Variants in RBFOX1 observed in about 807,000 individuals in gnomAD.
RBFOX1 encodes the protein RNA binding protein fox-1 homolog 1.
Under a neutral mutation model 57.7 loss-of-function variants are expected in RBFOX1, and 8 were observed. The observed-to-expected ratio is 0.14, with a 90% CI of 0.08 to 0.25. The LOEUF (loss-of-function observed/expected upper bound fraction) is 0.25, where lower values mean the gene tolerates loss of function less well. Ranked by LOEUF, RBFOX1 falls within the 10% of genes least tolerant of loss-of-function variation. The probability of loss-of-function intolerance (pLI) is 1.00; values close to 1 mark genes in which losing one functional copy is unlikely to be tolerated. For missense variants in RBFOX1, 611 were observed against 548.5 expected (o/e 1.11, Z -1.14); for synonymous variants, 326 against 222.4 (o/e 1.47, Z -4.15).
chr16:5,923,818 G>A (rs1362721934), intron 4 of RBFOX1, among the ~76,000 whole-genome samples: 1 of 151,932 alleles, frequency 6.6e-6, no homozygotes, highest in Non-Finnish European at 1.5e-5. Flanking sequence ...TGGGATTACA[G>A]GTGTGAGCCA....
chr16:6,319,225 A>G (rs2081471789), intron 2 of RBFOX1, among the ~76,000 whole-genome samples: 1 of 152,160 alleles, frequency 6.6e-6, no homozygotes, highest in Non-Finnish European at 1.5e-5. Context: ...GCCATATTTT[A>G]GTCTGAATCC....
intron 3 of RBFOX1, among the ~76,000 whole-genome samples, chr16:6,937,536 C>A (rs2077584489): frequency 6.6e-6 from 1 of 152,090 alleles, no homozygotes; most frequent in South Asian, 2.1e-4. Context: ...AGAACACACA[C>A]CCATAGTGGT....
chr16:6,111,980 C>G (rs74004751), intron 1 of RBFOX1, among the ~76,000 whole-genome samples: 3 of 151,980 alleles, frequency 2.0e-5, no homozygotes, highest in Non-Finnish European at 2.9e-5. Flanking sequence ...TAAAGGATCG[C>G]TAAAACTTAA....
intron 4 of RBFOX1, among the ~76,000 whole-genome samples, chr16:5,899,535 A>T (rs1489171222): frequency 1.3e-5 from 2 of 152,182 alleles, no homozygotes; most frequent in Non-Finnish European, 2.9e-5. Flanking sequence ...CTCTGTGTGA[A>T]TTCCACGGGT....
chr16:6,374,979 T>C (rs1444601787), intron 2 of RBFOX1, among the ~76,000 whole-genome samples: 1 of 152,230 alleles, frequency 6.6e-6, no homozygotes, highest in Non-Finnish European at 1.5e-5. Flanking sequence ...GAAAACAGTC[T>C]GCAGAACAAA....
intron 1 of RBFOX1, among the ~76,000 whole-genome samples, chr16:6,151,481 T>TC: frequency 6.6e-6 from 1 of 152,272 alleles, no homozygotes; most frequent in East Asian, 1.9e-4. Context: ...AGATGGGGTT[T>TC]CACCATGTTG....
At chr16:5,432,592 CCT>C (rs200106656) in intron 1 of RBFOX1, among the ~76,000 whole-genome samples, 1,331 of 50,792 alleles carry the variant, frequency 0.026, 16 homozygotes, top group African/African-American at 0.083. Context: ...CACTCTTTTT[CCT>C]CTCTAGCAAA....
chr16:6,950,300 C>G (rs1460633761), intron 3 of RBFOX1, among the ~76,000 whole-genome samples: 2 of 151,930 alleles, frequency 1.3e-5, no homozygotes, highest in African/African-American at 2.4e-5. Context: ...CCCTCTGCAT[C>G]TCACAGCCTC....
In RBFOX1 at chr16:7,669,198, C is replaced by T. The variant is rs549612606; in HGVS notation, c.930+4230C>T. ...GGATTACAGGTGTGACCCACCATGA[C>T]TGACCCCTGAAGCTATAGGTTTTAT... is the stretch of plus-strand genomic sequence containing the variant. On this transcript the variant is annotated intron_variant, in intron 13 of 15. Transcript: ENST00000550418. Among the ~76,000 whole-genome samples the T allele has an allele frequency of 1.3e-3, 197 of 152,324 alleles. 5 individuals are homozygous for T. In the South Asian group the frequency reaches 0.04, roughly 31 times the overall value.
At chr16:7,611,232 G>A (rs1488223313) in intron 10 of RBFOX1, among the ~76,000 whole-genome samples, 1 of 152,124 alleles carries the variant, frequency 6.6e-6, no homozygotes, top group Non-Finnish European at 1.5e-5. Context: ...TCTCCTAAAG[G>A]TAATTTTCTT....
chr16:5,690,586 C>T (rs1445101940), intron 3 of RBFOX1, among the ~76,000 whole-genome samples: 3 of 152,078 alleles, frequency 2.0e-5, no homozygotes, highest in Admixed American at 2.0e-4. Flanking sequence ...ACAAACCTTT[C>T]CCATCAGATT....
chr16:6,764,376 C>T (rs142982203), intron 3 of RBFOX1, among the ~76,000 whole-genome samples: 4 of 152,268 alleles, frequency 2.6e-5, no homozygotes, highest in African/African-American at 9.6e-5. Flanking sequence ...TTATGGTAGT[C>T]GGGCCAAGCA....
intron 3 of RBFOX1, among the ~76,000 whole-genome samples, chr16:6,995,897 C>G (rs1197559087): frequency 6.6e-6 from 1 of 152,164 alleles, no homozygotes; most frequent in Non-Finnish European, 1.5e-5. Flanking sequence ...ATGTTTGAAC[C>G]ATAAATTTAT....
At chr16:6,146,819 T>G (rs2096761918) in intron 1 of RBFOX1, among the ~76,000 whole-genome samples, 1 of 152,152 alleles carries the variant, frequency 6.6e-6, no homozygotes, top group South Asian at 2.1e-4. Flanking sequence ...TTTTGAGCTT[T>G]AAGTGGCGAT....
intron 3 of RBFOX1, among the ~76,000 whole-genome samples, chr16:6,954,631 G>C (rs2081393295): frequency 6.6e-6 from 1 of 152,016 alleles, no homozygotes; most frequent in Non-Finnish European, 1.5e-5. Context: ...GGCAAAAAGA[G>C]GCATGATTTT....
intron 3 of RBFOX1, among the ~76,000 whole-genome samples, chr16:5,729,005 A>C (rs1772303470): frequency 6.6e-6 from 1 of 152,210 alleles, no homozygotes; most frequent in Non-Finnish European, 1.5e-5. Flanking sequence ...GTCTCCGCTG[A>C]CAGGTGAGAG....
Position 7,044,839 on chromosome 16 carries a change from G to C in RBFOX1, c.-15-7218G>C, listed in dbSNP as rs551354222. ...TCACAGACTGTAGGGAGTTACAGGT[G>C]CCTTTTTTTCCACCTCCCCTCTCCC... is the stretch of plus-strand genomic sequence containing the variant. On this transcript the variant is annotated intron_variant, in intron 3 of 15. Transcript: ENST00000550418. Among the ~76,000 whole-genome samples the C allele has an allele frequency of 3.9e-5, 6 of 152,238 alleles. No individual in the cohort carries two copies. The East Asian group carries it at 1.2e-3, about 29-fold the overall frequency.
At chr16:7,411,726 A>G (rs2098427022) in intron 4 of RBFOX1, among the ~76,000 whole-genome samples, 1 of 152,070 alleles carries the variant, frequency 6.6e-6, no homozygotes, top group Non-Finnish European at 1.5e-5. Context: ...CAACATGGAG[A>G]AACCCCGTCT....
chr16:5,352,669 A>G (rs1439252360), intron 1 of RBFOX1, among the ~76,000 whole-genome samples: 1 of 152,204 alleles, frequency 6.6e-6, no homozygotes, highest in Non-Finnish European at 1.5e-5. Flanking sequence ...TTCGGTGGTC[A>G]CGGTGGCTCA....
Sources: allele counts gnomAD v4.1 joint callset (sites outside exome capture counted in the v4.1 genomes callset), GRCh38; gene constraint gnomAD v4.1.1; transcripts MANE v1.5; gene names NCBI Gene and HGNC (gene_info 2026-07-23, HGNC 2026-07-21).